The following CLPB variants were observed in gnomAD, a reference collection of about 807,000 sequenced individuals.
CLPB encodes mitochondrial disaggregase.
Under a neutral mutation model 78.4 loss-of-function variants are expected in CLPB, and 40 were observed. That is an observed-to-expected ratio of 0.51 (90% confidence interval 0.40 to 0.66). The LOEUF is 0.66. Ranked by LOEUF, CLPB falls within the 30% of genes least tolerant of loss-of-function variation. The pLI is 0.00. For missense variants in CLPB, 780 were observed against 886.9 expected (o/e 0.88, Z 1.53); for synonymous variants, 333 against 348.0 (o/e 0.96, Z 0.48).
chr11:72,406,618 C>T (rs1855717442), intron 2 of CLPB, among the ~76,000 whole-genome samples: 1 of 152,202 alleles, frequency 6.6e-6, no homozygotes, highest in South Asian at 2.1e-4. Flanking sequence ...CAAAGTGTTG[C>T]ACTCTCAAGC....
chr11:72,417,469 G>C (rs1488485152), intron 2 of CLPB, among the ~76,000 whole-genome samples: 1 of 152,108 alleles, frequency 6.6e-6, no homozygotes, highest in Non-Finnish European at 1.5e-5. Context: ...TGGAACCAGA[G>C]TTTTCTGAGG....
intron 3 of CLPB, among the ~76,000 whole-genome samples, chr11:72,382,863 C>A (rs1026220331): frequency 1.3e-5 from 2 of 151,936 alleles, no homozygotes; most frequent in South Asian, 2.1e-4. Context: ...GTAACCAACC[C>A]TAAAGAAATG....
intron 10 of CLPB, 88 bp from the exon 11 acceptor site, chr11:72,302,052 G>A (rs1213137845): frequency 2.8e-6 from 4 of 1,447,434 alleles, no homozygotes; most frequent in Non-Finnish European, 3.8e-6. Context: ...GACTTTATAC[G>A]CTATTAAGGT....
At chr11:72,429,195 C>T (rs1010496870) in intron 2 of CLPB, 1 of 152,196 alleles carries the variant, frequency 6.6e-6, no homozygotes, top group South Asian at 2.1e-4. Context: ...TTTTAAGATG[C>T]ATCATCGCAT....
intron 4 of CLPB, 100 bp from the exon 5 acceptor site, chr11:72,359,108 C>A: frequency 1.3e-6 from 2 of 1,577,114 alleles, no homozygotes; most frequent in Non-Finnish European, 1.7e-6. Flanking sequence ...CACTCATCTA[C>A]CTACTTACTA....
intron 4 of CLPB, among the ~76,000 whole-genome samples, chr11:72,367,647 A>G (rs1950968986): frequency 6.6e-6 from 1 of 152,148 alleles, no homozygotes; most frequent in African/African-American, 2.4e-5. Flanking sequence ...TTGAAAAACT[A>G]TTGGATACTA....
chr11:72,432,654 C>A lies in CLPB; in HGVS notation c.403+1418G>T, dbSNP rs1856580780. On this transcript the variant is annotated intron_variant, in intron 1 of 15. Coordinates refer to ENST00000538039, the MANE Select transcript of CLPB (RefSeq NM_001258392.3). ...AATGCTGGAAGTTATAGGATTACAA[C>A]ATGCCTAAGCTCGATGCCCTTAGTG... 2.6e-5 allele frequency among the ~76,000 whole-genome samples: 4 copies of A among 152,230 alleles called. No homozygotes were observed. The South Asian group carries it at 8.3e-4, about 32-fold the overall frequency.
At chr11:72,389,218 G>C (rs1483898488) in intron 3 of CLPB, among the ~76,000 whole-genome samples, 3 of 152,210 alleles carry the variant, frequency 2.0e-5, no homozygotes, top group Non-Finnish European at 4.4e-5. Context: ...ACTCAAAACA[G>C]TATTTGGGAG....
chr11:72,389,620 G>A (rs1441139892), intron 3 of CLPB, among the ~76,000 whole-genome samples: 1 of 152,198 alleles, frequency 6.6e-6, no homozygotes, highest in Non-Finnish European at 1.5e-5. Flanking sequence ...ACTGGGCAAA[G>A]GCTTAAGAAT....
chr11:72,322,965 C>T (rs1319781184), intron 6 of CLPB, among the ~76,000 whole-genome samples: 1 of 152,188 alleles, frequency 6.6e-6, no homozygotes, highest in Non-Finnish European at 1.5e-5. Flanking sequence ...GTTCTACTGG[C>T]AGCGAGTATA....
intron 2 of CLPB, among the ~76,000 whole-genome samples, chr11:72,419,231 G>A (rs1040430584): frequency 3.3e-5 from 5 of 152,180 alleles, no homozygotes; most frequent in East Asian, 1.9e-4. Context: ...CATGAATTGC[G>A]TTATGATTTT....
At chr11:72,416,592 C>T (rs1856030581) in intron 2 of CLPB, among the ~76,000 whole-genome samples, 1 of 151,776 alleles carries the variant, frequency 6.6e-6, no homozygotes, top group Non-Finnish European at 1.5e-5. Flanking sequence ...AAAAATTAGC[C>T]AGGCATGGTG....
rs149985372 is a variant in CLPB, at chr11:72,295,503, G to C, written c.1475C>G (p.Ala492Gly). The C allele has an allele frequency of 2.2e-4, 355 of 1,614,056 alleles. 1 individual carries two copies. In the African/African-American group the frequency reaches 4.4e-3, roughly 20 times the overall value. The change falls in exon 12 of 16, where the codon GCC (alanine) becomes GGC (glycine). Residue 492 changes from alanine (A) to glycine (G), a missense_variant. Transcript: ENST00000538039. ...GTCAGCCGCCATACCCAGGTTTTCGGCAATACGGTTACGGCTCATCTCCAA... is the reference window on the plus strand; with the variant it reads ...GTCAGCCGCCATACCCAGGTTTTCGCCAATACGGTTACGGCTCATCTCCAA... Reference protein sequence around the residue: ...EALEMSRNRIAENLGDVQISD... With the variant: ...EALEMSRNRIGENLGDVQISD...
chr11:72,305,273 T>C (rs1213070415), intron 9 of CLPB, among the ~76,000 whole-genome samples: 1 of 152,242 alleles, frequency 6.6e-6, no homozygotes, highest in Non-Finnish European at 1.5e-5. Context: ...AAGAATGCTG[T>C]AGGGCCTCAG....
chr11:72,340,604 T>G (rs934627954), intron 5 of CLPB, among the ~76,000 whole-genome samples: 5 of 152,204 alleles, frequency 3.3e-5, no homozygotes, highest in Non-Finnish European at 7.3e-5. Flanking sequence ...ATTCATTCAT[T>G]CATTCAACCA....
intron 3 of CLPB, among the ~76,000 whole-genome samples, chr11:72,383,175 A>G (rs1051103023): frequency 1.1e-4 from 17 of 151,684 alleles, no homozygotes; most frequent in Admixed American, 8.6e-4. Flanking sequence ...ATGGTTTCCA[A>G]TAAGATTCAG....
chr11:72,417,159 G>T (rs1278402337), intron 2 of CLPB, among the ~76,000 whole-genome samples: 1 of 152,076 alleles, frequency 6.6e-6, no homozygotes. Context: ...GCTAAAAAGT[G>T]GAAACACAAA....
At chr11:72,324,113 C>T (rs377532220) in intron 6 of CLPB, among the ~76,000 whole-genome samples, 2 of 151,870 alleles carry the variant, frequency 1.3e-5, no homozygotes, top group East Asian at 1.9e-4. Context: ...TAATGCCTAC[C>T]CTTGGGGGAT....
At chr11:72,338,075 C>T (rs985770475) in intron 5 of CLPB, among the ~76,000 whole-genome samples, 1 of 152,194 alleles carries the variant, frequency 6.6e-6, no homozygotes, top group Non-Finnish European at 1.5e-5. Flanking sequence ...CAGACATTCC[C>T]CATTCCACTG....
Sources: gnomAD v4.1 joint callset for allele counts (sites outside exome capture counted in the v4.1 genomes callset) on GRCh38, gnomAD v4.1.1 for gene constraint, MANE v1.5 for transcripts, NCBI Gene and HGNC (gene_info 2026-07-23, HGNC 2026-07-21) for gene names.